TEK: variants seen among roughly 807,000 people sequenced by gnomAD.
TEK encodes the protein angiopoietin-1 receptor.
Under a neutral mutation model 131.8 loss-of-function variants are expected in TEK, and 43 were observed. The ratio of observed to expected loss-of-function variants is 0.33; its 90% CI spans 0.26 to 0.42. TEK has a LOEUF of 0.42. TEK is among the 10% of genes least tolerant of loss of function. The pLI, the probability that TEK is intolerant of heterozygous loss-of-function variation, is 1.00. For missense variants in TEK, 1,162 were observed against 1,384.4 expected (o/e 0.84, Z 2.55); for synonymous variants, 580 against 491.6 (o/e 1.18, Z -2.38).
chr9:27,176,088 A>G (rs1462840886), intron 6 of TEK, among the ~76,000 whole-genome samples: 2 of 152,208 alleles, frequency 1.3e-5, no homozygotes, highest in African/African-American at 4.8e-5. Context: ...AACAATTACT[A>G]TCCTGTTCAT....
chr9:27,130,801 C>T (rs1267852286), intron 1 of TEK, among the ~76,000 whole-genome samples: 2 of 151,620 alleles, frequency 1.3e-5, no homozygotes, highest in East Asian at 1.9e-4. Flanking sequence ...GGTCTGACCT[C>T]GTGATTCACA....
intron 1 of TEK, among the ~76,000 whole-genome samples, chr9:27,150,609 C>G (rs1823088643): frequency 6.6e-6 from 1 of 151,994 alleles, no homozygotes; most frequent in Non-Finnish European, 1.5e-5. Flanking sequence ...GAGACACTGT[C>G]TCAAAAAAAT....
At chr9:27,135,231 T>C (rs960888061) in intron 1 of TEK, among the ~76,000 whole-genome samples, 4 of 141,314 alleles carry the variant, frequency 2.8e-5, no homozygotes, top group African/African-American at 1.1e-4. Context: ...TTTTTTTTTT[T>C]GAGACAAAGG....
chr9:27,187,649 G>C (rs1477898226), intron 9 of TEK, among the ~76,000 whole-genome samples: 1 of 152,086 alleles, frequency 6.6e-6, no homozygotes, highest in Admixed American at 6.6e-5. Context: ...CAGGCTGAGT[G>C]GCTTAAGCAA....
In TEK at chr9:27,121,684, GAAA is replaced by G. The variant is rs551923474; in HGVS notation, c.52+12047_52+12049del. ...TTAGTCCTCGTTAATATGAGGATAA[GAAA>G]AAAAGTTAATTTAAATATAATGATT... On this transcript the variant is annotated intron_variant, in intron 1 of 22. Coordinates refer to ENST00000380036, the MANE Select transcript of TEK (RefSeq NM_000459.5). Among the ~76,000 whole-genome samples, 22 of 151,954 alleles carry G rather than the reference GAAA, an allele frequency of 1.4e-4. 1 individual carries two copies. In the South Asian group the frequency reaches 4.6e-3, roughly 32 times the overall value.
intron 1 of TEK, among the ~76,000 whole-genome samples, chr9:27,133,308 T>C (rs1204672352): frequency 6.6e-6 from 1 of 152,226 alleles, no homozygotes; most frequent in African/African-American, 2.4e-5. Context: ...GATCATTAAA[T>C]AGTTGGAAAG....
rs558586662 is a variant in TEK, at chr9:27,206,846, G to A, written c.2575+54G>A. On this transcript the variant is annotated intron_variant, in intron 15 of 22. Coordinates refer to ENST00000380036, the MANE Select transcript of TEK (RefSeq NM_000459.5). Reference sequence around the variant, plus strand: ...TTGCGTGAGGGTGTGGAGAAAACTTGATTTCCTGCTCATTCTTTCCTCTAT... The same window carrying A: ...TTGCGTGAGGGTGTGGAGAAAACTTAATTTCCTGCTCATTCTTTCCTCTAT... The A allele has an allele frequency of 5.7e-6, 9 of 1,577,706 alleles. No homozygotes were observed. The Admixed American group carries it at 1.6e-4, about 28-fold the overall frequency.
intron 11 of TEK, among the ~76,000 whole-genome samples, chr9:27,196,853 GTTTATTTTATT>G (rs1366131763): frequency 7.9e-6 from 1 of 127,216 alleles, no homozygotes; most frequent in Non-Finnish European, 1.7e-5. Context: ...CAAAGCTCCT[GTTTATTTTATT>G]TTTTATTTTT....
chr9:27,181,103 T>C (rs1442753768), intron 7 of TEK, among the ~76,000 whole-genome samples: 2 of 152,110 alleles, frequency 1.3e-5, no homozygotes, highest in Non-Finnish European at 2.9e-5. Flanking sequence ...TTAAACAACA[T>C]GGGGGCTAGG....
Position 27,197,428 on chromosome 9 carries a change from A to G in TEK, c.1738A>G (p.Arg580Gly). The G allele has an allele frequency of 6.2e-7, 1 of 1,614,112 alleles. No individual in the cohort carries two copies. The highest frequency in any genetic ancestry group is 1.1e-5 in the South Asian group (1 of 91,080). ...AGATGACTTTTATGTTGAAGTGGAG[A>G]GAAGGTCTGTGCAAAAAAGTGATCA... ...SEDDFYVEVE[R>G]RSVQKSDQQN... Residue 580 changes from arginine (R) to glycine (G), a missense_variant, in exon 12 of 23, where the codon AGA becomes GGA. By Grantham distance (125) the Arg-to-Gly change is moderately radical. Around this residue, in one of 6 missense-constraint regions of TEK, gnomAD observed 477 missense variants for 471.0 expected, o/e 1.01. Transcript: ENST00000380036.
intron 1 of TEK, among the ~76,000 whole-genome samples, chr9:27,120,548 A>G (rs1418101862): frequency 1.8e-4 from 27 of 152,256 alleles, no homozygotes; most frequent in Non-Finnish European, 4.0e-4. Context: ...ACAAGGATGC[A>G]TTGTCAAGCT....
At chr9:27,131,718 G>C (rs917882076) in intron 1 of TEK, among the ~76,000 whole-genome samples, 22 of 151,534 alleles carry the variant, frequency 1.5e-4, no homozygotes, top group African/African-American at 5.1e-4. Flanking sequence ...GGCTGAGGCA[G>C]GTCTCTTGAG....
In TEK at chr9:27,160,856, G is replaced by A. The variant is rs972568044; in HGVS notation, c.364+2714G>A. Among the ~76,000 whole-genome samples the A allele has an allele frequency of 2.0e-5, 3 of 152,204 alleles. No homozygotes were observed. The East Asian group carries it at 5.8e-4, about 29-fold the overall frequency. ...GGGAAGAGAGGTTGAACAAAGGGAT[G>A]TGAGGTGTGCCAAAGCTATCATGGC... On this transcript the variant is annotated intron_variant, in intron 2 of 22. Transcript: ENST00000380036.
chr9:27,130,701 T>A (rs1822179028), intron 1 of TEK, among the ~76,000 whole-genome samples: 1 of 147,612 alleles, frequency 6.8e-6, no homozygotes. Flanking sequence ...CTCAGCCTCC[T>A]GAGTAGCTGG....
intron 13 of TEK, among the ~76,000 whole-genome samples, chr9:27,203,338 A>G (rs946498447): frequency 2.6e-5 from 4 of 152,108 alleles, no homozygotes; most frequent in African/African-American, 9.7e-5. Context: ...CTATCAGCAT[A>G]CCCCATCCAG....
At chr9:27,109,689 A>G in intron 1 of TEK, 47 bp downstream of exon 1, 2 of 1,599,390 alleles carry the variant, frequency 1.3e-6, no homozygotes, top group Non-Finnish European at 1.7e-6. Context: ...TAAAAAACAG[A>G]GTTAGTGATT....
chr9:27,169,532 C>A lies in TEK; in HGVS notation c.531C>A (p.His177Gln). ...AAGTACCTGATATTCTAGAAGTACA[C>A]CTGCCTCATGCTCAGCCCCAGGATG... ...RHEVPDILEV[H>Q]LPHAQPQDAG... Residue 177 changes from histidine (H) to glutamine (Q), a missense_variant, in exon 4 of 23, where the codon CAC becomes CAA. His to Gln is a conservative substitution (Grantham distance 24). This residue lies in a region of TEK where 436 missense variants were observed against 539.1 expected (regional missense o/e 0.81). Coordinates refer to ENST00000380036, the MANE Select transcript of TEK (RefSeq NM_000459.5). 6.2e-7 allele frequency: 1 copy of A among 1,614,162 alleles called. No individual in the cohort carries two copies. The highest frequency in any genetic ancestry group is 1.1e-5 in the South Asian group (1 of 91,084).
intron 15 of TEK, among the ~76,000 whole-genome samples, chr9:27,207,531 T>C (rs190800172): frequency 1.0e-3 from 152 of 152,342 alleles, no homozygotes; most frequent in African/African-American, 2.9e-3. Context: ...TTTGATAATA[T>C]CTTCAGAGAA....
chr9:27,222,210 C>T (rs1291765898), intron 21 of TEK, among the ~76,000 whole-genome samples: 1 of 152,106 alleles, frequency 6.6e-6, no homozygotes, highest in Non-Finnish European at 1.5e-5. Flanking sequence ...TGAACAAAGC[C>T]TCCAAGAAAT....
Sources: gnomAD v4.1 joint callset for allele counts (sites outside exome capture counted in the v4.1 genomes callset) on GRCh38, gnomAD v4.1.1 for gene constraint, gnomAD v4.1.1 regional missense constraint, MANE v1.5 for transcripts, NCBI Gene and HGNC (gene_info 2026-07-23, HGNC 2026-07-21) for gene names.